Variants in SDK2 observed in about 807,000 individuals in gnomAD.
SDK2 encodes the protein sidekick cell adhesion molecule 2.
Under a neutral mutation model 253.9 loss-of-function variants are expected in SDK2, and 105 were observed. The ratio of observed to expected loss-of-function variants is 0.41; its 90% CI spans 0.35 to 0.49. The LOEUF is 0.49. Ranked by LOEUF, SDK2 falls within the 20% of genes least tolerant of loss-of-function variation. The pLI is 0.06. For missense variants in SDK2, 2,608 were observed against 3,003.0 expected (o/e 0.87, Z 3.07); for synonymous variants, 1,249 against 1,234.9 (o/e 1.01, Z -0.24).
intron 1 of SDK2, among the ~76,000 whole-genome samples, chr17:73,594,461 G>C (rs1209725936): frequency 6.6e-6 from 1 of 152,108 alleles, no homozygotes; most frequent in African/African-American, 2.4e-5. Context: ...GTTGGTGGTG[G>C]GGATGAGGAG....
chr17:73,417,048 T>C (rs1469031328), intron 16 of SDK2, among the ~76,000 whole-genome samples: 1 of 152,146 alleles, frequency 6.6e-6, no homozygotes, highest in East Asian at 1.9e-4. Flanking sequence ...CGACTGGTTA[T>C]AGGTGTGGCT....
At chr17:73,429,318 A>T (rs2063307993) in intron 12 of SDK2, among the ~76,000 whole-genome samples, 1 of 152,206 alleles carries the variant, frequency 6.6e-6, no homozygotes, top group African/African-American at 2.4e-5. Flanking sequence ...ATATTCTGGA[A>T]TCTCAGTCAA....
intron 2 of SDK2, among the ~76,000 whole-genome samples, chr17:73,475,111 T>C (rs138962492): frequency 2.1e-3 from 320 of 152,342 alleles, no homozygotes; most frequent in African/African-American, 7.5e-3. Flanking sequence ...TGCCAGCTCT[T>C]TGACTCAGAG....
intron 1 of SDK2, among the ~76,000 whole-genome samples, chr17:73,540,230 C>A (rs2044846279): frequency 6.6e-6 from 1 of 152,170 alleles, no homozygotes; most frequent in Non-Finnish European, 1.5e-5. Flanking sequence ...GGAGCAGGGC[C>A]CTGCTGAGGT....
chr17:73,558,362 G>C (rs759114489), intron 1 of SDK2, among the ~76,000 whole-genome samples: 4 of 148,962 alleles, frequency 2.7e-5, no homozygotes, highest in African/African-American at 9.8e-5. Flanking sequence ...CCCAGGTAGA[G>C]ATGGAAAGAG....
Position 73,402,212 on chromosome 17 carries a change from G to C in SDK2, c.2485-71C>G, listed in dbSNP as rs563000067. On this transcript the variant is annotated intron_variant, in intron 18 of 44. Transcript: ENST00000392650. The stretch of plus-strand genomic sequence containing the variant: ...GAGGAGGCCAAGCCCTCTCCCACAG[G>C]CTGGGCCAATCAACAGATGGTGTCC... 9.3e-6 allele frequency: 14 copies of C among 1,497,516 alleles called. No individual in the cohort carries two copies. In the East Asian group the frequency reaches 2.7e-4, roughly 29 times the overall value. The allele number at this position is 1,497,516 out of a possible 1,614,324, so 92.8% of individuals were successfully genotyped here.
intron 1 of SDK2, among the ~76,000 whole-genome samples, chr17:73,611,921 G>A (rs778381292): frequency 3.9e-5 from 6 of 152,102 alleles, no homozygotes; most frequent in Non-Finnish European, 7.3e-5. Context: ...GCCCAACTCT[G>A]CGTGGGGAAG....
At chr17:73,590,867 G>C (rs922150985) in intron 1 of SDK2, among the ~76,000 whole-genome samples, 1 of 152,198 alleles carries the variant, frequency 6.6e-6, no homozygotes, top group Admixed American at 6.5e-5. Flanking sequence ...CGGACTGTAG[G>C]AAGGCGGACA....
At chr17:73,504,594 T>C (rs906143048) in intron 2 of SDK2, 2 of 127,806 alleles carry the variant, frequency 1.6e-5, no homozygotes, top group African/African-American at 6.3e-5. Flanking sequence ...ATTGTGCCAC[T>C]GCACTCCAGC....
intron 44 of SDK2, among the ~76,000 whole-genome samples, chr17:73,340,664 T>C (rs1316518620): frequency 6.6e-6 from 1 of 151,908 alleles, no homozygotes; most frequent in East Asian, 1.9e-4. Context: ...AAAACAACAC[T>C]TGGTTACAAA....
rs887366499 is a variant in SDK2, at chr17:73,496,119, C to T, written c.224+11319G>A. ...CCAGGAAGAATGAGGTGGGAGGAGC[C>T]TGCCCTGCTGGGTGGGAGTCAGCGT... On this transcript the variant is annotated intron_variant, in intron 2 of 44. Transcript: ENST00000392650. This position sits in a 1 kb window ranked among gnomAD's most constrained non-coding sequence, Gnocchi z 4.7. 6.6e-6 allele frequency among the ~76,000 whole-genome samples: 1 copy of T among 152,202 alleles called. No homozygotes were observed. The highest frequency in any genetic ancestry group is 1.5e-5 in the Non-Finnish European group (1 of 68,044).
chr17:73,640,454 G>A (rs2046385239), intron 1 of SDK2, among the ~76,000 whole-genome samples: 1 of 152,052 alleles, frequency 6.6e-6, no homozygotes, highest in African/African-American at 2.4e-5. Context: ...GAAGCCAAGG[G>A]GTACAAAGGG....
At chr17:73,604,964 G>A (rs1488952116) in intron 1 of SDK2, among the ~76,000 whole-genome samples, 1 of 152,190 alleles carries the variant, frequency 6.6e-6, no homozygotes, top group African/African-American at 2.4e-5. Context: ...CAGTGGTCCT[G>A]GAAGGAGAGT....
At position 73,395,403 on chromosome 17, in the gene SDK2, G is replaced by T. The variant is rs878870980; in HGVS notation, c.3355-11C>A. On this transcript the variant is annotated splice_polypyrimidine_tract_variant and intron_variant, in intron 24 of 44. Transcript: ENST00000392650. This position sits in a 1 kb window ranked among gnomAD's most constrained non-coding sequence, Gnocchi z 4.3. Reference sequence around the variant, plus strand: ...CATCTCCGGGAGAGGCTGCAGCGGGGCAGGGGTGGCAAAGCTGCTATGAGC... The same window carrying T: ...CATCTCCGGGAGAGGCTGCAGCGGGTCAGGGGTGGCAAAGCTGCTATGAGC... The T allele has an allele frequency of 6.2e-7, 1 of 1,609,150 alleles. No homozygotes were observed. The highest frequency in any genetic ancestry group is 1.1e-5 in the South Asian group (1 of 90,958).
chr17:73,345,065 T>C (rs2062471279), intron 44 of SDK2, among the ~76,000 whole-genome samples: 1 of 152,194 alleles, frequency 6.6e-6, no homozygotes, highest in South Asian at 2.1e-4. Context: ...ACGCCTGTAA[T>C]CCTAGCACTT....
Position 73,338,310 on chromosome 17 carries a change from T to C in SDK2, c.*277A>G, listed in dbSNP as rs2062398680. Reference sequence around the variant, plus strand: ...CCGCCCCACTCCGTGTCCATAGCAGTGACACAGCCACTTCCCCAGCTCCGT... The same window carrying C: ...CCGCCCCACTCCGTGTCCATAGCAGCGACACAGCCACTTCCCCAGCTCCGT... On this transcript the variant is annotated 3_prime_UTR_variant, in exon 45 of 45. Coordinates refer to ENST00000392650, the MANE Select transcript of SDK2 (RefSeq NM_001144952.2). This position sits in a 1 kb window ranked among gnomAD's most constrained non-coding sequence, Gnocchi z 5.0. 2 of 595,932 alleles carry C rather than the reference T, an allele frequency of 3.4e-6. No homozygotes were observed. The highest frequency in any genetic ancestry group is 1.8e-5 in the African/African-American group (1 of 54,664). The allele number at this position is 595,932 out of a possible 1,614,324, so 36.9% of individuals were successfully genotyped here.
chr17:73,620,845 G>T (rs1177992279), intron 1 of SDK2, among the ~76,000 whole-genome samples: 1 of 152,224 alleles, frequency 6.6e-6, no homozygotes, highest in Non-Finnish European at 1.5e-5. Context: ...CTGAGTTGTT[G>T]CCAGGGGCTG....
At chr17:73,422,462 T>G (rs757065321) in intron 14 of SDK2, 28 bp from the exon 15 acceptor site, 1 of 1,605,824 alleles carries the variant, frequency 6.2e-7, no homozygotes, top group Admixed American at 1.7e-5. Flanking sequence ...GGGGCAGAAG[T>G]GGGTATCTTG....
Position 73,379,494 on chromosome 17 carries a change from A to G in SDK2, c.4818T>C (p.Gly1606=), listed in dbSNP as rs756633261. 6.2e-7 allele frequency: 1 copy of G among 1,610,442 alleles called. No homozygotes were observed. Among genetic ancestry groups the G allele is most frequent in the African/African-American group, 1.3e-5 (1 of 74,344 alleles). ...CCTGCGGGGGGCTGGAGGGCCCCTCACCCACAGCGTTGTACACGCTCATCC... is the reference window on the plus strand; with the variant it reads ...CCTGCGGGGGGCTGGAGGGCCCCTCGCCCACAGCGTTGTACACGCTCATCC... ...EIRMSVYNAV[G]EGPSSPPQEV... is the part of the protein sequence containing the mutation. Residue 1606 remains glycine (G), a synonymous_variant, in exon 35 of 45, where the codon GGT becomes GGC. Transcript: ENST00000392650. This position sits in a 1 kb window ranked among gnomAD's most constrained non-coding sequence, Gnocchi z 4.5.
Sources: allele counts gnomAD v4.1 joint callset (sites outside exome capture counted in the v4.1 genomes callset), GRCh38; gene constraint gnomAD v4.1.1; non-coding constraint Gnocchi (gnomAD v3.1); transcripts MANE v1.5; gene names NCBI Gene and HGNC (gene_info 2026-07-23, HGNC 2026-07-21).